BBOX1: variants seen among roughly 807,000 people sequenced by gnomAD.
The protein encoded by BBOX1 is gamma-butyrobetaine dioxygenase.
In BBOX1, 35 loss-of-function variants were observed where a neutral mutation model predicts 41.6. That is an observed-to-expected ratio of 0.84 (90% CI 0.64 to 1.11). BBOX1 has a LOEUF of 1.11. Among genes scored for constraint, BBOX1 ranks in the 50% most tolerant of loss-of-function variants. The probability of loss-of-function intolerance (pLI) is 0.00; values close to 1 mark genes in which losing one functional copy is unlikely to be tolerated. For synonymous variants in BBOX1, 163 were observed against 154.7 expected (o/e 1.05, Z -0.40); for missense variants, 458 against 460.6 (o/e 0.99, Z 0.05).
At position 27,127,389 on chromosome 11, in the gene BBOX1, C is replaced by G. The variant is rs1859707240; in HGVS notation, c.1100C>G (p.Ala367Gly). 6.2e-7 allele frequency: 1 copy of G among 1,614,120 alleles called. No homozygotes were observed. Among genetic ancestry groups the G allele is most frequent in the Non-Finnish European group, 8.5e-7 (1 of 1,180,006 alleles). ...TCCCGCCATCTAGAAGGAGCTTATG[C>G]TGACTGGGATGTGGTCATGTCAAGG... The part of the protein sequence containing the change: ...EISRHLEGAY[A>G]DWDVVMSRLR... The change falls in exon 9 of 9, where the codon GCT becomes GGT. Residue 367 changes from alanine (A) to glycine (G), a missense_variant. Coordinates refer to ENST00000263182, the MANE Select transcript of BBOX1 (RefSeq NM_003986.3).
intron 7 of BBOX1, among the ~76,000 whole-genome samples, chr11:27,124,624 T>G (rs1859580731): frequency 2.6e-5 from 4 of 152,156 alleles, no homozygotes; most frequent in Admixed American, 2.6e-4. Flanking sequence ...TTCAAGCAGG[T>G]GCCTGCCACC....
At chr11:27,107,014 G>A (rs1858896804) in intron 5 of BBOX1, among the ~76,000 whole-genome samples, 1 of 152,064 alleles carries the variant, frequency 6.6e-6, no homozygotes, top group Admixed American at 6.6e-5. Context: ...AATGAAGGCA[G>A]AAATAAAGAT....
intron 7 of BBOX1, among the ~76,000 whole-genome samples, chr11:27,123,029 T>G (rs898228088): frequency 6.6e-6 from 1 of 152,176 alleles, no homozygotes; most frequent in African/African-American, 2.4e-5. Flanking sequence ...TTTAGGTTGG[T>G]CTTCAAGGTA....
intron 5 of BBOX1, among the ~76,000 whole-genome samples, chr11:27,107,651 A>G (rs1304918334): frequency 1.3e-5 from 2 of 152,000 alleles, no homozygotes; most frequent in Non-Finnish European, 2.9e-5. Flanking sequence ...GCATGTAAGT[A>G]CACCTTCATC....
At chr11:27,115,374 A>C in intron 5 of BBOX1, 78 bp from the exon 6 acceptor site, 1 of 1,141,296 alleles carries the variant, frequency 8.8e-7, no homozygotes, top group Non-Finnish European at 1.2e-6. Context: ...ATTTCTCCCC[A>C]CATATCAAAT....
intron 8 of BBOX1, among the ~76,000 whole-genome samples, chr11:27,126,906 C>A (rs1859680451): frequency 6.6e-6 from 1 of 152,082 alleles, no homozygotes; most frequent in Non-Finnish European, 1.5e-5. Flanking sequence ...GATCTGCTGA[C>A]CTCGTGATCC....
At position 27,096,595 on chromosome 11, in the gene BBOX1, T is replaced by G. The variant is rs79380881; in HGVS notation, c.533+3229T>G. On this transcript the variant is annotated intron_variant, in intron 5 of 8. Transcript: ENST00000263182. Reference sequence around the variant, plus strand: ...TAGTACCCACCTCGCACTTTGCCATTCAAGTAGGGTTATTAGTTTCAAAAA... The same window carrying G: ...TAGTACCCACCTCGCACTTTGCCATGCAAGTAGGGTTATTAGTTTCAAAAA... Among the ~76,000 whole-genome samples, 708 of 152,080 alleles carry G rather than the reference T, an allele frequency of 4.7e-3. 6 individuals are homozygous for G. Among genetic ancestry groups the G allele is most frequent in the African/African-American group, 0.016 (666 of 41,532 alleles).
chr11:27,111,479 A>G (rs960513840), intron 5 of BBOX1, among the ~76,000 whole-genome samples: 1 of 151,920 alleles, frequency 6.6e-6, no homozygotes, highest in Non-Finnish European at 1.5e-5. Context: ...CTGCACATGT[A>G]CCCCCAAAAA....
intron 6 of BBOX1, among the ~76,000 whole-genome samples, chr11:27,118,246 T>C (rs1859335665): frequency 6.6e-6 from 1 of 152,004 alleles, no homozygotes; most frequent in Non-Finnish European, 1.5e-5. Context: ...AGTGACTTGA[T>C]AGGAGATTTT....
At chr11:27,070,342 T>A (rs1857404520) in intron 4 of BBOX1, among the ~76,000 whole-genome samples, 1 of 152,118 alleles carries the variant, frequency 6.6e-6, no homozygotes, top group Non-Finnish European at 1.5e-5. Context: ...ATCTGTTTAG[T>A]GCTGTCAGTG....
At chr11:27,124,682 T>C (rs1238260518) in intron 7 of BBOX1, among the ~76,000 whole-genome samples, 1 of 152,120 alleles carries the variant, frequency 6.6e-6, no homozygotes, top group Admixed American at 6.5e-5. Flanking sequence ...TGCCCAGCTT[T>C]TTATTTTTTC....
chr11:27,041,257 T>TA lies in BBOX1; in HGVS notation c.-259dup, dbSNP rs1250598642. The TA allele has an allele frequency of 4.6e-5, 7 of 150,868 alleles. No homozygotes were observed. The East Asian group carries it at 1.4e-3, about 29-fold the overall frequency. 9.3% of individuals were successfully genotyped at this position (150,868 alleles called of 1,614,324 possible). On this transcript the variant is annotated 5_prime_UTR_variant, in exon 2 of 9. Transcript: ENST00000263182. ...CAAAAAACCTCCAAGCTCCCTTCAG[T>TA]AGTTGCTACACCTTCAGATTGAGAC...
At position 27,061,261 on chromosome 11, in the gene BBOX1, C is replaced by T. The variant is rs147057699; in HGVS notation, c.334+3946C>T. The stretch of plus-strand genomic sequence containing the variant: ...GCTTACATTTTTCAGTACTATCGGG[C>T]AGTAGCAAAATGGAAATGATACTAC... On this transcript the variant is annotated intron_variant, in intron 4 of 8. Transcript: ENST00000263182. Among the ~76,000 whole-genome samples, 7 of 152,128 alleles carry T rather than the reference C, an allele frequency of 4.6e-5. No homozygotes were observed. In the East Asian group the frequency reaches 1.4e-3, roughly 29 times the overall value.
intron 4 of BBOX1, among the ~76,000 whole-genome samples, chr11:27,075,438 G>A (rs894136311): frequency 6.6e-6 from 1 of 152,120 alleles, no homozygotes; most frequent in Non-Finnish European, 1.5e-5. Flanking sequence ...GAAACCAGCT[G>A]TGGCTGAAGC....
At position 27,055,502 on chromosome 11, in the gene BBOX1, G is replaced by A; in HGVS notation, c.72G>A (p.Glu24=). ...AHLMQILWYD[E]EESLYPAVWL... is the part of the protein sequence containing the mutation. ...TGATGCAGATCCTCTGGTATGATGA[G>A]GAAGAGTCTCTCTACCCAGCTGTAT... The change falls in exon 3 of 9, where the codon GAG becomes GAA. Residue 24 remains glutamate (E), a synonymous_variant. Coordinates refer to ENST00000263182, the MANE Select transcript of BBOX1 (RefSeq NM_003986.3). 1.2e-6 allele frequency: 2 copies of A among 1,614,192 alleles called. No homozygotes were observed. The highest frequency in any genetic ancestry group is 1.7e-6 in the Non-Finnish European group (2 of 1,180,046).
At chr11:27,121,018 A>G (rs1859440325) in intron 7 of BBOX1, among the ~76,000 whole-genome samples, 1 of 152,152 alleles carries the variant, frequency 6.6e-6, no homozygotes, top group Non-Finnish European at 1.5e-5. Context: ...AATGCTTAAG[A>G]AAAAAAGGAA....
chr11:27,057,063 TTA>T lies in BBOX1; in HGVS notation c.220-137_220-136del, dbSNP rs1491432462. The T allele has an allele frequency of 4.3e-4, 65 of 149,852 alleles. 2 individuals carry two copies. In the Admixed American group the frequency reaches 5.1e-3, roughly 12 times the overall value. The allele number at this position is 149,852 out of a possible 1,614,324, so 9.3% of individuals were successfully genotyped here. Reference sequence around the variant, plus strand: ...CCTGGCAACAGAGGAAGACTCCGACTTAAAAAAAAAAAAAAAAAAAAATTAAG... The same window carrying T: ...CCTGGCAACAGAGGAAGACTCCGACTAAAAAAAAAAAAAAAAAAAATTAAG... On this transcript the variant is annotated intron_variant, in intron 3 of 8. Transcript: ENST00000263182.
intron 5 of BBOX1, 141 bp downstream of exon 5, chr11:27,093,507 AAGT>A: frequency 4.2e-6 from 4 of 942,476 alleles, no homozygotes; most frequent in Non-Finnish European, 4.7e-6. Flanking sequence ...AAGAGTCTAA[AAGT>A]AGTATTTTGC....
intron 5 of BBOX1, among the ~76,000 whole-genome samples, chr11:27,106,614 T>A (rs1250796067): frequency 2.0e-5 from 3 of 152,090 alleles, no homozygotes; most frequent in African/African-American, 4.8e-5. Flanking sequence ...ACAAAGAGAC[T>A]TAGTCTCCCA....
Sources: allele counts gnomAD v4.1 joint callset (sites outside exome capture counted in the v4.1 genomes callset), GRCh38; gene constraint gnomAD v4.1.1; transcripts MANE v1.5; gene names NCBI Gene and HGNC (gene_info 2026-07-23, HGNC 2026-07-21).